AP3M1: variants seen among roughly 807,000 people sequenced by gnomAD.
The protein encoded by AP3M1 is AP-3 complex subunit mu-1.
AP3M1 carries 29 observed loss-of-function variants against 42.6 expected under a neutral mutation model. That is an observed-to-expected ratio of 0.68 (90% CI 0.51 to 0.93). The LOEUF (loss-of-function observed/expected upper bound fraction) is 0.93, where lower values mean the gene tolerates loss of function less well. AP3M1 is among the 40% of genes least tolerant of loss of function. The pLI is 0.00. For missense variants in AP3M1, 416 were observed against 510.2 expected (o/e 0.82, Z 1.78); for synonymous variants, 178 against 175.3 (o/e 1.02, Z -0.12).
rs755000619 is a variant in AP3M1 at position 74,124,535 on chromosome 10, C to CA, written c.1012-12dup. 3.8e-6 allele frequency: 6 copies of CA among 1,568,824 alleles called. No homozygotes were observed. Among genetic ancestry groups the CA allele is most frequent in the Middle Eastern group, 1.7e-4 (1 of 5,810 alleles). On this transcript the variant is annotated splice_polypyrimidine_tract_variant and intron_variant, in intron 7 of 8. Coordinates refer to ENST00000355264, the MANE Select transcript of AP3M1 (RefSeq NM_012095.6). ...ATCCCATGTTAGTACCTTAAAAAGA[C>CA]AAAAAATGAAAAACAAATAGAACCA...
chr10:74,147,797 G>C (rs988016145), intron 1 of AP3M1, among the ~76,000 whole-genome samples: 2 of 151,952 alleles, frequency 1.3e-5, no homozygotes, highest in East Asian at 3.9e-4. Context: ...TCAGGAGTTC[G>C]AGACCAGCCT....
At position 74,138,423 on chromosome 10, in the gene AP3M1, A is replaced by G. The variant is rs531986831; in HGVS notation, c.-3-41T>C. On this transcript the variant is annotated intron_variant, in intron 1 of 8. Coordinates refer to ENST00000355264, the MANE Select transcript of AP3M1 (RefSeq NM_012095.6). ...AAGGTTTAAATTTATTATACATTAA[A>G]TATCATTTAACATACACAAAAAGAT... is the stretch of plus-strand genomic sequence containing the variant. The G allele has an allele frequency of 3.9e-6, 6 of 1,543,014 alleles. No individual in the cohort carries two copies. The African/African-American group carries it at 8.2e-5, about 21-fold the overall frequency.
In AP3M1 at chr10:74,123,055, T is replaced by TA. The variant is rs1393626874; in HGVS notation, c.*754dup. The TA allele has an allele frequency of 6.5e-6, 1 of 152,674 alleles. No individual in the cohort carries two copies. Among genetic ancestry groups the TA allele is most frequent in the Non-Finnish European group, 1.5e-5 (1 of 68,052 alleles). The allele number at this position is 152,674 out of a possible 1,614,324, so 9.5% of individuals were successfully genotyped here. ...GTAATGTTCCCTTTTACTACCTTAA[T>TA]AAAGCATTTGCCCCTTTGATACAAA... On this transcript the variant is annotated 3_prime_UTR_variant, in exon 9 of 9. Coordinates refer to ENST00000355264, the MANE Select transcript of AP3M1 (RefSeq NM_012095.6).
At position 74,123,594 on chromosome 10, in the gene AP3M1, G is replaced by GA; in HGVS notation, c.*215dup. 1.8e-6 allele frequency: 1 copy of GA among 552,338 alleles called. No homozygotes were observed. Among genetic ancestry groups the GA allele is most frequent in the Non-Finnish European group, 3.2e-6 (1 of 312,386 alleles). The allele number at this position is 552,338 out of a possible 1,614,324, so 34.2% of individuals were successfully genotyped here. On this transcript the variant is annotated 3_prime_UTR_variant, in exon 9 of 9. Coordinates refer to ENST00000355264, the MANE Select transcript of AP3M1 (RefSeq NM_012095.6). ...AATCACCTCCAAAATCTTCCTAAGT[G>GA]AAAAGATACAAAATAAGCTAAGTCA...
At chr10:74,142,687 T>C (rs1841193575) in intron 1 of AP3M1, among the ~76,000 whole-genome samples, 1 of 152,228 alleles carries the variant, frequency 6.6e-6, no homozygotes, top group Non-Finnish European at 1.5e-5. Flanking sequence ...TTTTCTACTT[T>C]ATCTAGTCAG....
In AP3M1 at chr10:74,123,706, A is replaced by G; in HGVS notation, c.*104T>C. 1 of 868,138 alleles carries G rather than the reference A, an allele frequency of 1.2e-6. No individual in the cohort carries two copies. Among genetic ancestry groups the G allele is most frequent in the Non-Finnish European group, 1.9e-6 (1 of 520,620 alleles). 53.8% of individuals were successfully genotyped at this position (868,138 alleles called of 1,614,324 possible). On this transcript the variant is annotated 3_prime_UTR_variant, in exon 9 of 9. Coordinates refer to ENST00000355264, the MANE Select transcript of AP3M1 (RefSeq NM_012095.6). ...GTTAGCGGTGTGTAGCTAGACACAA[A>G]TGCTTTAACTAGAATATGTATTCCC...
At position 74,123,773 on chromosome 10, in the gene AP3M1, G is replaced by A; in HGVS notation, c.*37C>T. The A allele has an allele frequency of 6.6e-7, 1 of 1,513,454 alleles. No individual in the cohort carries two copies. Among genetic ancestry groups the A allele is most frequent in the Non-Finnish European group, 9.2e-7 (1 of 1,088,500 alleles). 93.8% of individuals were successfully genotyped at this position (1,513,454 alleles called of 1,614,324 possible). On this transcript the variant is annotated 3_prime_UTR_variant, in exon 9 of 9. Coordinates refer to ENST00000355264, the MANE Select transcript of AP3M1 (RefSeq NM_012095.6). Reference sequence around the variant, plus strand: ...ATAGTGATACATCGTAATGACACTTGGAAAACAAACTGGTCCTGAGGAATT... The same window carrying A: ...ATAGTGATACATCGTAATGACACTTAGAAAACAAACTGGTCCTGAGGAATT...
chr10:74,141,956 C>T (rs1459620453), intron 1 of AP3M1, among the ~76,000 whole-genome samples: 1 of 151,350 alleles, frequency 6.6e-6, no homozygotes, highest in Non-Finnish European at 1.5e-5. Flanking sequence ...CTCCTGACCT[C>T]GTGATCCGCC....
intron 1 of AP3M1, among the ~76,000 whole-genome samples, chr10:74,140,252 G>A (rs1440283266): frequency 6.6e-6 from 1 of 152,184 alleles, no homozygotes; most frequent in Non-Finnish European, 1.5e-5. Flanking sequence ...GGCTGCAGGC[G>A]GCCGTGCGCC....
In AP3M1 at chr10:74,123,786, G is replaced by A. The variant is rs1385725355; in HGVS notation, c.*24C>T. The A allele has an allele frequency of 6.3e-7, 1 of 1,577,684 alleles. No homozygotes were observed. The highest frequency in any genetic ancestry group is 1.1e-5 in the South Asian group (1 of 90,292). On this transcript the variant is annotated 3_prime_UTR_variant, in exon 9 of 9. Coordinates refer to ENST00000355264, the MANE Select transcript of AP3M1 (RefSeq NM_012095.6). ...GTAATGACACTTGGAAAACAAACTG[G>A]TCCTGAGGAATTTTGGCCTCTTCTC...
intron 2 of AP3M1, among the ~76,000 whole-genome samples, chr10:74,137,644 T>C (rs1207474933): frequency 6.6e-6 from 1 of 152,244 alleles, no homozygotes; most frequent in Admixed American, 6.5e-5. Flanking sequence ...TTCACAATTC[T>C]CAAGTCGCTG....
intron 1 of AP3M1, among the ~76,000 whole-genome samples, chr10:74,148,487 C>T (rs1443994655): frequency 2.0e-5 from 3 of 152,184 alleles, no homozygotes; most frequent in Non-Finnish European, 4.4e-5. Flanking sequence ...CATGAATTGA[C>T]ACAGTACTGA....
At position 74,137,239 on chromosome 10, in the gene AP3M1, C is replaced by CAAACAAAACAAAACA. The variant is rs374186440; in HGVS notation, c.274-451_274-437dup. Among the ~76,000 whole-genome samples, 428 of 151,266 alleles carry CAAACAAAACAAAACA rather than the reference C, an allele frequency of 2.8e-3. 3 individuals are homozygous for CAAACAAAACAAAACA. Among genetic ancestry groups the CAAACAAAACAAAACA allele is most frequent in the East Asian group, 0.01 (53 of 5,148 alleles). On this transcript the variant is annotated intron_variant, in intron 2 of 8. Coordinates refer to ENST00000355264, the MANE Select transcript of AP3M1 (RefSeq NM_012095.6). Reference sequence around the variant, plus strand: ...TAGGGAACAGAGTGAGACTCCGTCTCAAACAAAACAAAACAAAACAAAACA... The same window carrying CAAACAAAACAAAACA: ...TAGGGAACAGAGTGAGACTCCGTCTCAAACAAAACAAAACAAAACAAAACAAAACAAAACAAAACA...
At chr10:74,130,995 C>A (rs1360014999) in intron 4 of AP3M1, among the ~76,000 whole-genome samples, 1 of 151,728 alleles carries the variant, frequency 6.6e-6, no homozygotes, top group Non-Finnish European at 1.5e-5. Context: ...GCGTGTAGTC[C>A]CAGCTACTTG....
chr10:74,133,211 G>A (rs956611941), intron 4 of AP3M1, among the ~76,000 whole-genome samples: 4 of 152,096 alleles, frequency 2.6e-5, no homozygotes, highest in Non-Finnish European at 5.9e-5. Flanking sequence ...CCTGACCAAC[G>A]TGGAGAAATC....
intron 1 of AP3M1, among the ~76,000 whole-genome samples, chr10:74,141,623 G>A (rs1300507995): frequency 3.3e-5 from 5 of 151,954 alleles, no homozygotes; most frequent in East Asian, 1.9e-4. Flanking sequence ...ACTAATCTAC[G>A]TTAAATCAAA....
Position 74,129,185 on chromosome 10 carries a change from CCA to C in AP3M1, c.724_725del (p.Trp242GlyfsTer3). ...TAAATGACAAAACTCTTTCAGATTC[CCA>C]ACGCTTGAACCGGATGCAGGGGTGA... is the stretch of plus-strand genomic sequence containing the variant. Reference protein sequence around the residue: ...SFHPCIRFKRWESERVLSFIP... With the variant: ...SFHPCIRFKRXESERVLSFIP... On this transcript the variant is annotated frameshift_variant, in exon 6 of 9. Coordinates refer to ENST00000355264, the MANE Select transcript of AP3M1 (RefSeq NM_012095.6). LOFTEE classifies it high-confidence loss of function. 1 of 1,614,068 alleles carries C rather than the reference CCA, an allele frequency of 6.2e-7. No homozygotes were observed. The highest frequency in any genetic ancestry group is 2.2e-5 in the East Asian group (1 of 44,880).
chr10:74,126,040 G>A (rs546191129), intron 7 of AP3M1, 108 bp downstream of exon 7: 13 of 1,170,384 alleles, frequency 1.1e-5, no homozygotes, highest in South Asian at 5.4e-5. Context: ...GTTTTGATAC[G>A]AACTTTAGTT....
At chr10:74,144,160 A>C (rs1029738584) in intron 1 of AP3M1, among the ~76,000 whole-genome samples, 2 of 152,070 alleles carry the variant, frequency 1.3e-5, no homozygotes, top group Non-Finnish European at 2.9e-5. Flanking sequence ...ATGGGGTTTC[A>C]CCATGTTAGC....
Sources: gnomAD v4.1 joint callset for allele counts (sites outside exome capture counted in the v4.1 genomes callset) on GRCh38, gnomAD v4.1.1 for gene constraint, MANE v1.5 for transcripts, NCBI Gene and HGNC (gene_info 2026-07-23, HGNC 2026-07-21) for gene names.